The following ZNF451 variants were observed in gnomAD, a reference collection of about 807,000 sequenced individuals.
The protein encoded by ZNF451 is E3 SUMO-protein ligase ZNF451.
In ZNF451, 80 loss-of-function variants were observed where a neutral mutation model predicts 107.1. The ratio of observed to expected loss-of-function variants is 0.75; its 90% confidence interval spans 0.62 to 0.90. ZNF451 has a LOEUF of 0.90. Among genes scored for constraint, ZNF451 ranks in the 40% least tolerant of loss-of-function variants. ZNF451 has a pLI of 0.00. For synonymous variants in ZNF451, 362 were observed against 406.5 expected (o/e 0.89, Z 1.32); for missense variants, 1,107 against 1,236.2 (o/e 0.90, Z 1.57).
chr6:57,128,920 G>A, intron 5 of ZNF451, 80 bp downstream of exon 5: 1 of 971,456 alleles, frequency 1.0e-6, no homozygotes, highest in Non-Finnish European at 1.6e-6. Flanking sequence ...TTATGCTATT[G>A]CTAATAAGCA....
chr6:57,124,886 A>C (rs1256479680), intron 4 of ZNF451, 27 bp downstream of exon 4: 1 of 1,348,844 alleles, frequency 7.4e-7, no homozygotes, highest in Non-Finnish European at 9.7e-7. Flanking sequence ...TTGGTATTTT[A>C]TATAATTAAA....
intron 3 of ZNF451, among the ~76,000 whole-genome samples, chr6:57,122,319 A>G (rs1387595209): frequency 6.6e-6 from 1 of 152,200 alleles, no homozygotes; most frequent in Non-Finnish European, 1.5e-5. Flanking sequence ...TGACTTAGGC[A>G]AAGAATTTAT....
intron 4 of ZNF451, among the ~76,000 whole-genome samples, chr6:57,128,031 G>C (rs1442998466): frequency 6.6e-6 from 1 of 152,128 alleles, no homozygotes; most frequent in African/African-American, 2.4e-5. Context: ...TCTATGGCCT[G>C]CAAAGCCATA....
chr6:57,121,715 C>T (rs1371363176), intron 3 of ZNF451, among the ~76,000 whole-genome samples: 7 of 152,106 alleles, frequency 4.6e-5, no homozygotes, highest in Admixed American at 3.9e-4. Flanking sequence ...TAAAACACTG[C>T]TGAAAGAAAT....
chr6:57,124,662 T>C lies in ZNF451; in HGVS notation c.187-72T>C, dbSNP rs1830834091. On this transcript the variant is annotated intron_variant, in intron 3 of 14. Transcript: ENST00000370706. ...AAATGGTTCTTTAGTATAGTAGCTG[T>C]TTTATGAATGGATGTATATTATCCA... The C allele has an allele frequency of 2.7e-6, 3 of 1,128,940 alleles. No homozygotes were observed. The African/African-American group carries it at 4.7e-5, about 18-fold the overall frequency. 69.9% of individuals were successfully genotyped at this position (1,128,940 alleles called of 1,614,324 possible). A position where few individuals can be genotyped will look rare whatever the true frequency, so the allele number is the denominator to read the frequency against.
chr6:57,127,844 T>C (rs1831001668), intron 4 of ZNF451, among the ~76,000 whole-genome samples: 5 of 152,210 alleles, frequency 3.3e-5, no homozygotes, highest in Admixed American at 3.3e-4. Context: ...TTATGGATAA[T>C]ATAACTAGAA....
intron 3 of ZNF451, chr6:57,107,477 G>A: frequency 1.0e-6 from 1 of 985,086 alleles, no homozygotes; most frequent in Non-Finnish European, 1.2e-6. Flanking sequence ...GTGCTACCTT[G>A]TTTAATGGTA....
chr6:57,108,304 G>A, intron 3 of ZNF451: 1 of 985,362 alleles, frequency 1.0e-6, no homozygotes, highest in African/African-American at 1.7e-5. Flanking sequence ...CTCTATCACA[G>A]CATTTACTGT....
intron 3 of ZNF451, chr6:57,100,571 C>A: frequency 6.9e-7 from 1 of 1,446,246 alleles, no homozygotes; most frequent in Non-Finnish European, 9.1e-7. Context: ...TTTTTTTCTT[C>A]CTTGGTTTTC....
intron 14 of ZNF451, among the ~76,000 whole-genome samples, chr6:57,162,570 A>C (rs969307197): frequency 1.3e-5 from 2 of 152,230 alleles, no homozygotes; most frequent in Non-Finnish European, 2.9e-5. Context: ...TAAACAAATG[A>C]AAGAACTTTT....
At chr6:57,096,176 GTTTTTTTT>G (rs749589304) in intron 2 of ZNF451, among the ~76,000 whole-genome samples, 1 of 58,462 alleles carries the variant, frequency 1.7e-5, no homozygotes, top group African/African-American at 7.1e-5. Context: ...CTTTCTTTCT[GTTTTTTTT>G]TTTTTTTTTT....
intron 3 of ZNF451, among the ~76,000 whole-genome samples, chr6:57,118,630 A>T (rs768920597): frequency 6.6e-6 from 1 of 152,144 alleles, no homozygotes; most frequent in African/African-American, 2.4e-5. Flanking sequence ...CTATAGGCAC[A>T]TGCCACCACA....
chr6:57,140,602 G>A (rs1831704208), intron 7 of ZNF451, among the ~76,000 whole-genome samples: 1 of 151,898 alleles, frequency 6.6e-6, no homozygotes, highest in East Asian at 1.9e-4. Context: ...GCACCTACCA[G>A]TAAGGATATA....
chr6:57,119,256 G>T (rs1052422211), intron 3 of ZNF451, among the ~76,000 whole-genome samples: 1 of 151,870 alleles, frequency 6.6e-6, no homozygotes, highest in Admixed American at 6.6e-5. Context: ...CCGGGGCGTG[G>T]TGGTGCACGC....
rs749097667 is a variant in ZNF451 at position 57,141,447 on chromosome 6, A to T, written c.848A>T (p.Lys283Ile). The T allele has an allele frequency of 3.9e-5, 63 of 1,611,112 alleles. No homozygotes were observed. The highest frequency in any genetic ancestry group is 1.7e-4 in the Admixed American group (10 of 59,858). ...SGKNHFHQSF[K>I]LGDNKGIAHP... The stretch of plus-strand genomic sequence containing the variant: ...AAGAATCATTTCCATCAGAGTTTCA[A>T]ACTGGGTGGTATGTTAATACTCTCT... Residue 283 changes from lysine (K) to isoleucine (I), a missense_variant, in exon 8 of 15, where the codon AAA becomes ATA. By Grantham distance (102) the Lys-to-Ile change is moderately radical. Around this residue, in one of 5 missense-constraint regions of ZNF451, gnomAD observed 339 missense variants for 372.8 expected, o/e 0.91. Coordinates refer to ENST00000370706, the MANE Select transcript of ZNF451 (RefSeq NM_001031623.3).
At chr6:57,140,857 A>C (rs1831720816) in intron 7 of ZNF451, among the ~76,000 whole-genome samples, 2 of 152,196 alleles carry the variant, frequency 1.3e-5, no homozygotes, top group South Asian at 4.1e-4. Context: ...TGATAAAACA[A>C]TGACATTCCC....
chr6:57,103,587 T>C (rs1346506159), intron 3 of ZNF451: 4 of 985,278 alleles, frequency 4.1e-6, no homozygotes, highest in African/African-American at 3.5e-5. Context: ...ATGGAGAATA[T>C]GTCAAATTTG....
intron 3 of ZNF451, 58 bp downstream of exon 3, chr6:57,099,199 C>A: frequency 7.4e-7 from 1 of 1,342,892 alleles, no homozygotes; most frequent in South Asian, 1.2e-5. Flanking sequence ...GAGGTATTCT[C>A]TAAAGAGAGT....
At chr6:57,097,781 A>G (rs957488156) in intron 2 of ZNF451, among the ~76,000 whole-genome samples, 1 of 152,080 alleles carries the variant, frequency 6.6e-6, no homozygotes, top group African/African-American at 2.4e-5. Context: ...GCTGTCTGCT[A>G]GATACACCCT....
Sources: allele counts gnomAD v4.1 joint callset (sites outside exome capture counted in the v4.1 genomes callset), GRCh38; gene constraint gnomAD v4.1.1; regional missense constraint gnomAD v4.1.1; transcripts MANE v1.5; gene names NCBI Gene and HGNC (gene_info 2026-07-23, HGNC 2026-07-21).